Variants in SPDYA observed in about 807,000 individuals in gnomAD.
The protein encoded by SPDYA is speedy/RINGO cell cycle regulator family member A, also known as speedy protein A.
Under a neutral mutation model 36.7 loss-of-function variants are expected in SPDYA, and 11 were observed. That is an observed-to-expected ratio of 0.30 (90% CI 0.19 to 0.50). The LOEUF is 0.50. SPDYA is among the 20% of genes least tolerant of loss of function. The pLI, the probability that SPDYA is intolerant of heterozygous loss-of-function variation, is 0.98. For missense variants in SPDYA, 287 were observed against 370.9 expected, an observed-to-expected ratio of 0.77 and a Z score of 1.86; for synonymous variants, 115 against 118.7, an observed-to-expected ratio of 0.97 and a Z score of 0.20.
At position 28,811,293 on chromosome 2, in the gene SPDYA, T is replaced by C. The variant is rs1026102266; in HGVS notation, c.-93+346T>C. On this transcript the variant is annotated intron_variant, in intron 1 of 7. Coordinates refer to ENST00000334056, the MANE Select transcript of SPDYA (RefSeq NM_182756.4). This position sits in a 1 kb window ranked among gnomAD's most constrained non-coding sequence, Gnocchi z 4.2. The stretch of plus-strand genomic sequence containing the variant: ...GGAGGCTGCTCCCGAAGCTCGGCCG[T>C]CTGCTCGGAGGGAGGGCCCTGGGCA... The C allele has an allele frequency of 1.3e-5, 2 of 152,258 alleles. No homozygotes were observed. Among genetic ancestry groups the C allele is most frequent in the Admixed American group, 1.3e-4 (2 of 15,282 alleles). The allele number at this position is 152,258 out of a possible 1,614,324, so 9.4% of individuals were successfully genotyped here.
chr2:28,849,726 C>T (rs1454793454), intron 7 of SPDYA, 124 bp from the exon 8 acceptor site: 9 of 564,892 alleles, frequency 1.6e-5, no homozygotes, highest in Non-Finnish European at 2.8e-5. Flanking sequence ...CTTAAGTTTC[C>T]CCCCATTATT....
At chr2:28,813,204 A>C (rs184731630) in intron 1 of SPDYA, among the ~76,000 whole-genome samples, 3 of 152,340 alleles carry the variant, frequency 2.0e-5, no homozygotes, top group Admixed American at 2.0e-4. Context: ...CAGTTTTCTG[A>C]AATTGTATGG....
intron 7 of SPDYA, among the ~76,000 whole-genome samples, chr2:28,849,208 A>G (rs1375808724): frequency 1.3e-5 from 2 of 152,228 alleles, no homozygotes; most frequent in Non-Finnish European, 2.9e-5. Flanking sequence ...AAAACAATGT[A>G]TGGTATGTGG....
intron 6 of SPDYA, among the ~76,000 whole-genome samples, chr2:28,833,973 T>G (rs1668532018): frequency 6.6e-6 from 1 of 152,122 alleles, no homozygotes; most frequent in Non-Finnish European, 1.5e-5. Context: ...GTCTTGTATC[T>G]AGAAATATAA....
chr2:28,826,246 T>G (rs1668315620), intron 5 of SPDYA, among the ~76,000 whole-genome samples: 1 of 151,828 alleles, frequency 6.6e-6, no homozygotes, highest in Admixed American at 6.6e-5. Context: ...AAGCAATCCT[T>G]CCACCTCAAT....
At chr2:28,846,589 AG>A (rs1438128976) in intron 7 of SPDYA, among the ~76,000 whole-genome samples, 3 of 152,288 alleles carry the variant, frequency 2.0e-5, no homozygotes, top group African/African-American at 7.2e-5. Context: ...TAACATTAGA[AG>A]GTATCTGTCC....
intron 4 of SPDYA, among the ~76,000 whole-genome samples, chr2:28,821,190 T>TC (rs1491151293): frequency 7.8e-5 from 11 of 141,538 alleles, no homozygotes; most frequent in Non-Finnish European, 1.4e-4. Flanking sequence ...TTTTTTTTTT[T>TC]CTTTTTCTTT....
chr2:28,848,587 A>G lies in SPDYA; in HGVS notation c.851-1263A>G, dbSNP rs78218967. ...TTAATGTCAAGCTCTATCATAGACT[A>G]TAAACTCTAAAAAGGCAGAGATTTT... is the stretch of plus-strand genomic sequence containing the variant. On this transcript the variant is annotated intron_variant, in intron 7 of 7. Coordinates refer to ENST00000334056, the MANE Select transcript of SPDYA (RefSeq NM_182756.4). Among the ~76,000 whole-genome samples the G allele has an allele frequency of 6.5e-3, 994 of 152,346 alleles. 9 individuals are homozygous for G. Among genetic ancestry groups the G allele is most frequent in the African/African-American group, 0.018 (767 of 41,576 alleles).
intron 7 of SPDYA, among the ~76,000 whole-genome samples, chr2:28,845,616 C>T (rs2148109505): frequency 1.3e-5 from 2 of 152,316 alleles, no homozygotes; most frequent in African/African-American, 4.8e-5. Flanking sequence ...GCGATCTCAG[C>T]TCACTGCAAC....
chr2:28,841,685 G>C (rs533646779), intron 7 of SPDYA, among the ~76,000 whole-genome samples: 49 of 152,230 alleles, frequency 3.2e-4, no homozygotes, highest in African/African-American at 7.7e-4. Context: ...TGAAGGTAGG[G>C]GTTATGCCTC....
At chr2:28,845,248 GCTTTTTTTTTTTTTTT>G (rs1377099440) in intron 7 of SPDYA, among the ~76,000 whole-genome samples, 3 of 114,480 alleles carry the variant, frequency 2.6e-5, no homozygotes, top group African/African-American at 1.1e-4. Context: ...ACCATGCCCA[GCTTTTTTTTTTTTTTT>G]CTTTTTTTTT....
At position 28,826,611 on chromosome 2, in the gene SPDYA, CTTTTTTTTT is replaced by C. The variant is rs777338299; in HGVS notation, c.381-2520_381-2512del. Among the ~76,000 whole-genome samples, 351 of 75,370 alleles carry C rather than the reference CTTTTTTTTT, an allele frequency of 4.7e-3. 1 individual carries two copies. In the East Asian group the frequency reaches 0.048, roughly 10 times the overall value. The allele number at this position is 75,370 out of a possible 152,430, so 49.4% of individuals were successfully genotyped here. On this transcript the variant is annotated intron_variant, in intron 5 of 7. Coordinates refer to ENST00000334056, the MANE Select transcript of SPDYA (RefSeq NM_182756.4). ...AAATTTTCTTTTTCTTTCTTTCTCTCTTTTTTTTTTTTTTTTTTTTTTTTTGAGACAGTC... is the reference window on the plus strand; with the variant it reads ...AAATTTTCTTTTTCTTTCTTTCTCTCTTTTTTTTTTTTTTTTGAGACAGTC...
chr2:28,825,565 T>G (rs1197464724), intron 5 of SPDYA, among the ~76,000 whole-genome samples: 1 of 152,214 alleles, frequency 6.6e-6, no homozygotes, highest in African/African-American at 2.4e-5. Context: ...TCTTATAATG[T>G]TTCCTTTCTA....
chr2:28,842,346 G>C (rs577350227), intron 7 of SPDYA: 1 of 152,346 alleles, frequency 6.6e-6, no homozygotes, highest in African/African-American at 2.4e-5. Flanking sequence ...CAAAACAGAA[G>C]CAGTTATACA....
chr2:28,843,296 C>T (rs1453774100), intron 7 of SPDYA, among the ~76,000 whole-genome samples: 1 of 152,032 alleles, frequency 6.6e-6, no homozygotes, highest in Non-Finnish European at 1.5e-5. Flanking sequence ...TGCCTGTAAT[C>T]CCAGCACTTT....
intron 5 of SPDYA, among the ~76,000 whole-genome samples, chr2:28,823,749 T>TATATAA: frequency 1.4e-5 from 1 of 70,844 alleles, no homozygotes; most frequent in South Asian, 6.3e-4. Context: ...ATATATAAAA[T>TATATAA]TTTTTTTTTT....
intron 7 of SPDYA, among the ~76,000 whole-genome samples, chr2:28,841,658 C>T (rs1167350199): frequency 6.6e-6 from 1 of 152,120 alleles, no homozygotes; most frequent in Non-Finnish European, 1.5e-5. Flanking sequence ...AAAGGAGAAA[C>T]TAGACTCTAA....
At chr2:28,818,924 C>A in intron 3 of SPDYA, 124 bp from the exon 4 acceptor site, 1 of 713,690 alleles carries the variant, frequency 1.4e-6, no homozygotes, top group Non-Finnish European at 2.3e-6. Flanking sequence ...CCTTAGGCAA[C>A]ACTGGTTCAT....
rs1009703508 is a variant in SPDYA at position 28,831,675 on chromosome 2, T to C, written c.552+2356T>C. Among the ~76,000 whole-genome samples, 9 of 152,184 alleles carry C rather than the reference T, an allele frequency of 5.9e-5. 1 individual carries two copies. In the South Asian group the frequency reaches 1.9e-3, roughly 32 times the overall value. On this transcript the variant is annotated intron_variant, in intron 6 of 7. Transcript: ENST00000334056. Reference sequence around the variant, plus strand: ...AAATGTAATGAAGTAAAAAATCTAGTACACTTCTAATATCTCCCATCTCTG... The same window carrying C: ...AAATGTAATGAAGTAAAAAATCTAGCACACTTCTAATATCTCCCATCTCTG...
Sources: gnomAD v4.1 joint callset for allele counts (sites outside exome capture counted in the v4.1 genomes callset) on GRCh38, gnomAD v4.1.1 for gene constraint, Gnocchi (gnomAD v3.1) non-coding constraint, MANE v1.5 for transcripts, NCBI Gene and HGNC (gene_info 2026-07-23, HGNC 2026-07-21) for gene names.